KDM4C: variants seen among roughly 807,000 people sequenced by gnomAD.
KDM4C encodes the protein lysine-specific demethylase 4C.
In KDM4C, 81 loss-of-function variants were observed where a neutral mutation model predicts 129.3. The observed-to-expected ratio is 0.63, with a 90% confidence interval of 0.52 to 0.75. The LOEUF (loss-of-function observed/expected upper bound fraction) is 0.75, where lower values mean the gene tolerates loss of function less well. Among genes scored for constraint, KDM4C ranks in the 30% least tolerant of loss-of-function variants. KDM4C has a pLI of 0.00. For missense variants in KDM4C, 1,457 were observed against 1,304.0 expected (o/e 1.12, Z -1.81); for synonymous variants, 573 against 456.1 (o/e 1.26, Z -3.26).
intron 8 of KDM4C, chr9:6,925,081 A>C: frequency 1.0e-6 from 1 of 985,398 alleles, no homozygotes; most frequent in Non-Finnish European, 1.2e-6. Flanking sequence ...TCCTTTTTAA[A>C]ATTTAGCTTT....
rs144933151 is a variant in KDM4C at position 6,890,750 on chromosome 9, C to G, written c.784-2345C>G. 9.5e-3 allele frequency among the ~76,000 whole-genome samples: 1,441 copies of G among 152,226 alleles called. 31 individuals are homozygous for G. Among genetic ancestry groups the G allele is most frequent in the African/African-American group, 0.033 (1,382 of 41,520 alleles). On this transcript the variant is annotated intron_variant, in intron 7 of 21. Transcript: ENST00000381309. ...TGTTCCAGTGGCAGCAGTCCTCCCTCTCCTCTCACCTTTATGTGGGAGCAG... is the reference window on the plus strand; with the variant it reads ...TGTTCCAGTGGCAGCAGTCCTCCCTGTCCTCTCACCTTTATGTGGGAGCAG...
intron 10 of KDM4C, among the ~76,000 whole-genome samples, chr9:6,985,526 G>A (rs1075474): frequency 6.6e-6 from 1 of 152,188 alleles, no homozygotes; most frequent in Non-Finnish European, 1.5e-5. Context: ...AAACACACAA[G>A]AGCTGGATAG....
At chr9:7,160,722 C>T (rs1273284133) in intron 19 of KDM4C, among the ~76,000 whole-genome samples, 1 of 152,132 alleles carries the variant, frequency 6.6e-6, no homozygotes, top group Non-Finnish European at 1.5e-5. Context: ...GAAGGGGAGC[C>T]ACCTATATGA....
rs1300743991 is a variant in KDM4C at position 7,103,803 on chromosome 9, T to C, written c.2543T>C (p.Met848Thr). 4 of 1,614,058 alleles carry C rather than the reference T, an allele frequency of 2.5e-6. No homozygotes were observed. The highest frequency in any genetic ancestry group is 2.7e-5 in the African/African-American group (2 of 75,044). Reference protein sequence around the residue: ...VTCAHAAGVLMEPDDWPYVVN... With the variant: ...VTCAHAAGVLTEPDDWPYVVN... ...TGTGCCCATGCTGCTGGGGTACTGA[T>C]GGAGCCTGATGACTGGCCTTATGTG... Residue 848 changes from methionine (M) to threonine (T), a missense_variant, in exon 18 of 22, where the codon ATG (methionine) becomes ACG (threonine). Physicochemically the swap from Met to Thr is moderately conservative, Grantham distance 81. Transcript: ENST00000381309.
At chr9:6,895,488 A>T (rs988951386) in intron 8 of KDM4C, among the ~76,000 whole-genome samples, 1 of 152,220 alleles carries the variant, frequency 6.6e-6, no homozygotes, top group African/African-American at 2.4e-5. Flanking sequence ...CCCACGTGTC[A>T]TGCAAGATAG....
At chr9:6,873,931 TGAGAGAGAGCGAGAGAGA>T (rs1843168404) in intron 5 of KDM4C, among the ~76,000 whole-genome samples, 1 of 105,930 alleles carries the variant, frequency 9.4e-6, no homozygotes, top group Non-Finnish European at 2.1e-5. Flanking sequence ...AGAGAGAGAG[TGAGAGAGAGCGAGAGAGA>T]GAGAGAGAGA....
In KDM4C at chr9:6,782,196, G is replaced by T. The variant is rs537203865; in HGVS notation, c.-17-10776G>T. Among the ~76,000 whole-genome samples, 10 of 152,336 alleles carry T rather than the reference G, an allele frequency of 6.6e-5. No homozygotes were observed. The East Asian group carries it at 1.9e-3, about 29-fold the overall frequency. ...TGAATAATGAAGATTGATGACGTGT[G>T]TGGAGTGCCGAGAGCATTTAAAAAG... On this transcript the variant is annotated intron_variant, in intron 1 of 21. Coordinates refer to ENST00000381309, the MANE Select transcript of KDM4C (RefSeq NM_015061.6).
intron 12 of KDM4C, among the ~76,000 whole-genome samples, chr9:7,008,905 A>C (rs1033229359): frequency 2.5e-4 from 38 of 152,316 alleles, no homozygotes; most frequent in African/African-American, 9.1e-4. Flanking sequence ...GTCCAAGCCA[A>C]AGCCAGTCTA....
At chr9:6,741,381 C>G (rs1048764678) in intron 1 of KDM4C, among the ~76,000 whole-genome samples, 1 of 151,862 alleles carries the variant, frequency 6.6e-6, no homozygotes, top group Non-Finnish European at 1.5e-5. Context: ...GGCAACAGAG[C>G]GAGACTCTAT....
chr9:6,786,908 C>T (rs963329590), intron 1 of KDM4C, among the ~76,000 whole-genome samples: 34 of 152,012 alleles, frequency 2.2e-4, no homozygotes, highest in African/African-American at 8.0e-4. Context: ...TTTTGCCCAT[C>T]ATATTGGCAA....
At chr9:6,957,914 A>G (rs1443785778) in intron 8 of KDM4C, among the ~76,000 whole-genome samples, 1 of 152,160 alleles carries the variant, frequency 6.6e-6, no homozygotes, top group African/African-American at 2.4e-5. Context: ...TGATGATGGT[A>G]ATAATAAACA....
chr9:6,817,193 CT>C lies in KDM4C; in HGVS notation c.435+2449del, dbSNP rs768865745. Among the ~76,000 whole-genome samples, 824 of 95,428 alleles carry C rather than the reference CT, an allele frequency of 8.6e-3. 8 individuals are homozygous for C. The highest frequency in any genetic ancestry group is 0.014 in the Non-Finnish European group (631 of 44,566). The allele number at this position is 95,428 out of a possible 152,430, so 62.6% of individuals were successfully genotyped here. On this transcript the variant is annotated intron_variant, in intron 4 of 21. Coordinates refer to ENST00000381309, the MANE Select transcript of KDM4C (RefSeq NM_015061.6). ...GATGAAAGAAGATTGGCCCCTCCCC[CT>C]GCCCCCCCCCCCACTTTTTTTTTTT...
chr9:6,779,047 G>GAGATGGA (rs1045294337), intron 1 of KDM4C, among the ~76,000 whole-genome samples: 3 of 49,058 alleles, frequency 6.1e-5, no homozygotes, highest in Non-Finnish European at 1.1e-4. Context: ...TTTTTTTTTT[G>GAGATGGA]AGATGGAGTC....
At chr9:6,908,577 C>G (rs901062544) in intron 8 of KDM4C, among the ~76,000 whole-genome samples, 1 of 151,912 alleles carries the variant, frequency 6.6e-6, no homozygotes, top group Admixed American at 6.6e-5. Flanking sequence ...GGGCAGAACA[C>G]ATCCCTGTGG....
At chr9:6,904,255 A>T (rs1018259082) in intron 8 of KDM4C, among the ~76,000 whole-genome samples, 4 of 152,104 alleles carry the variant, frequency 2.6e-5, no homozygotes, top group Non-Finnish European at 5.9e-5. Flanking sequence ...AAGAAAAAAA[A>T]ATCTGTATCT....
In KDM4C at chr9:6,750,980, A is replaced by AT. The variant is rs140632545; in HGVS notation, c.49+29989dup. 3.0e-3 allele frequency among the ~76,000 whole-genome samples: 457 copies of AT among 152,080 alleles called. 3 individuals are homozygous for AT. The highest frequency in any genetic ancestry group is 0.011 in the African/African-American group (438 of 41,480). Reference sequence around the variant, plus strand: ...AGTCCACTGGGTGGGTACCTTGGTTATTTTTTCATGAAACCTCTCATTCTC... The same window carrying AT: ...AGTCCACTGGGTGGGTACCTTGGTTATTTTTTTCATGAAACCTCTCATTCTC... On this transcript the variant is annotated intron_variant, in intron 1 of 17. Transcript: ENST00000536108.
At chr9:7,134,141 CTT>C (rs1840937104) in intron 19 of KDM4C, among the ~76,000 whole-genome samples, 1 of 152,180 alleles carries the variant, frequency 6.6e-6, no homozygotes, top group South Asian at 2.1e-4. Flanking sequence ...GCTTTGGAAA[CTT>C]TCTTTGGTTT....
At chr9:6,835,191 C>T (rs1291466656) in intron 4 of KDM4C, 54 of 930,292 alleles carry the variant, frequency 5.8e-5, no homozygotes, top group Non-Finnish European at 9.1e-5. Flanking sequence ...ACGGCCAGGT[C>T]ATCACCATCG....
intron 15 of KDM4C, among the ~76,000 whole-genome samples, chr9:7,045,984 C>T (rs547281503): frequency 6.6e-6 from 1 of 151,914 alleles, no homozygotes; most frequent in African/African-American, 2.4e-5. Flanking sequence ...CGTATATAAA[C>T]TTTGGAGGAA....
Sources: gnomAD v4.1 joint callset for allele counts (sites outside exome capture counted in the v4.1 genomes callset) on GRCh38, gnomAD v4.1.1 for gene constraint, MANE v1.5 for transcripts, NCBI Gene and HGNC (gene_info 2026-07-23, HGNC 2026-07-21) for gene names.